PRKCA: variants seen among roughly 807,000 people sequenced by gnomAD.
PRKCA encodes protein kinase C alpha type.
PRKCA carries 27 observed loss-of-function variants against 87.0 expected under a neutral mutation model. That is an observed-to-expected ratio of 0.31 (90% CI 0.23 to 0.43). The LOEUF (loss-of-function observed/expected upper bound fraction) is 0.43. Among genes scored for constraint, PRKCA ranks in the 20% least tolerant of loss-of-function variants. PRKCA has a pLI of 1.00. For synonymous variants in PRKCA, 329 were observed against 311.1 expected, an observed-to-expected ratio of 1.06 and a Z score of -0.61; for missense variants, 518 against 852.3, an observed-to-expected ratio of 0.61 and a Z score of 4.88.
At chr17:66,714,372 G>T (rs985120010) in intron 8 of PRKCA, among the ~76,000 whole-genome samples, 1 of 152,114 alleles carries the variant, frequency 6.6e-6, no homozygotes, top group East Asian at 1.9e-4. Context: ...GTGCCCTCAG[G>T]CCTGTGCCCA....
At chr17:66,470,176 C>T (rs1414238526) in intron 2 of PRKCA, among the ~76,000 whole-genome samples, 1 of 145,852 alleles carries the variant, frequency 6.9e-6, no homozygotes, top group Non-Finnish European at 1.5e-5. Flanking sequence ...GCTTAATGGA[C>T]CTGAACCAGT....
chr17:66,302,938 G>A lies in PRKCA; in HGVS notation c.87G>A (p.Lys29=). 6.2e-7 allele frequency: 1 copy of A among 1,612,702 alleles called. No individual in the cohort carries two copies. Among genetic ancestry groups the A allele is most frequent in the Non-Finnish European group, 8.5e-7 (1 of 1,179,338 alleles). The change falls in exon 1 of 17, where the codon AAG becomes AAA. Residue 29 remains lysine (K), a synonymous_variant. Transcript: ENST00000413366. ...RFARKGALRQ[K]NVHEVKDHKF... ...CCCGCAAAGGGGCGCTGAGGCAGAA[G>A]AACGTGCACGAGGTGAAGGACCACA...
At chr17:66,561,594 A>G (rs1385056323) in intron 3 of PRKCA, among the ~76,000 whole-genome samples, 1 of 152,192 alleles carries the variant, frequency 6.6e-6, no homozygotes, top group African/African-American at 2.4e-5. Context: ...TCGAAGAGAT[A>G]CTTGTATGCC....
chr17:66,311,608 G>T (rs1460173714), intron 2 of PRKCA, among the ~76,000 whole-genome samples: 5 of 152,058 alleles, frequency 3.3e-5, no homozygotes, highest in African/African-American at 4.8e-5. Context: ...CAGAGTGAGA[G>T]CCTGTCTCAA....
intron 2 of PRKCA, chr17:66,415,488 TG>T (rs1403611148): frequency 6.6e-6 from 1 of 152,186 alleles, no homozygotes; most frequent in Non-Finnish European, 1.5e-5. Context: ...AAGGTAGCCC[TG>T]GAAGTCCTGA....
intron 3 of PRKCA, among the ~76,000 whole-genome samples, chr17:66,572,236 G>T (rs1222054762): frequency 6.6e-6 from 1 of 152,234 alleles, no homozygotes; most frequent in Admixed American, 6.5e-5. Flanking sequence ...GGAGACAGAG[G>T]TGGGCGGATC....
rs140428235 is a variant in PRKCA at position 66,362,554 on chromosome 17, G to A, written c.205+56427G>A. Among the ~76,000 whole-genome samples the A allele has an allele frequency of 5.2e-3, 787 of 152,272 alleles. 9 individuals carry two copies. The highest frequency in any genetic ancestry group is 0.018 in the African/African-American group (759 of 41,550). ...CCTGAGCTCCTTAAGGTTGAGATAA[G>A]TCTCACTTTTGTGTCTCATGGGCCT... On this transcript the variant is annotated intron_variant, in intron 2 of 16. Coordinates refer to ENST00000413366, the MANE Select transcript of PRKCA (RefSeq NM_002737.3).
rs1294278616 is a variant in PRKCA, at chr17:66,807,654, G to T, written c.*3617G>T. The T allele has an allele frequency of 1.3e-5, 2 of 152,232 alleles. No homozygotes were observed. The highest frequency in any genetic ancestry group is 3.8e-4 in the East Asian group (2 of 5,200). 9.4% of individuals were successfully genotyped at this position (152,232 alleles called of 1,614,324 possible). A position where few individuals can be genotyped will look rare whatever the true frequency, so the allele number is the denominator to read the frequency against. On this transcript the variant is annotated 3_prime_UTR_variant, in exon 17 of 17. Coordinates refer to ENST00000413366, the MANE Select transcript of PRKCA (RefSeq NM_002737.3). This position sits in a 1 kb window ranked among gnomAD's most constrained non-coding sequence, Gnocchi z 4.3. ...ACTCAGAATTTTGATAGAAAACCAT[G>T]GGGCCAAGAGCTCTGGAAGCCTGGC...
intron 2 of PRKCA, among the ~76,000 whole-genome samples, chr17:66,429,707 C>T: frequency 6.6e-6 from 1 of 152,150 alleles, no homozygotes; most frequent in East Asian, 1.9e-4. Context: ...CTGCCCTATC[C>T]TCCCTGCCCC....
chr17:66,581,429 T>C (rs1296636314), intron 3 of PRKCA, among the ~76,000 whole-genome samples: 1 of 152,222 alleles, frequency 6.6e-6, no homozygotes, highest in Non-Finnish European at 1.5e-5. Flanking sequence ...TTTTTAAACT[T>C]GAACCATATT....
chr17:66,452,104 A>G (rs4082897), intron 2 of PRKCA, among the ~76,000 whole-genome samples: 21,963 of 152,150 alleles, frequency 0.14, 1,841 homozygotes, highest in East Asian at 0.26. Flanking sequence ...GGGTGCGTCC[A>G]AGCTGACCCA....
intron 2 of PRKCA, among the ~76,000 whole-genome samples, chr17:66,328,925 G>A (rs148807556): frequency 1.3e-3 from 200 of 152,326 alleles, no homozygotes; most frequent in Non-Finnish European, 2.1e-3. Flanking sequence ...CATTTAATCC[G>A]TGTTAAAAAT....
chr17:66,558,124 G>T (rs1445915100), intron 3 of PRKCA, among the ~76,000 whole-genome samples: 1 of 152,192 alleles, frequency 6.6e-6, no homozygotes, highest in Non-Finnish European at 1.5e-5. Flanking sequence ...AATGTGGCAG[G>T]GCCTTGCCCT....
intron 2 of PRKCA, among the ~76,000 whole-genome samples, chr17:66,385,161 C>A (rs1435878797): frequency 1.3e-5 from 2 of 152,188 alleles, no homozygotes; most frequent in Non-Finnish European, 2.9e-5. Context: ...CTGGCAGGCA[C>A]TGTGTGGGGC....
intron 5 of PRKCA, among the ~76,000 whole-genome samples, chr17:66,667,197 G>C (rs1731124431): frequency 1.3e-5 from 2 of 152,176 alleles, no homozygotes; most frequent in Admixed American, 1.3e-4. Context: ...TTGGAGGTTA[G>C]GGATCTAGGA....
At chr17:66,765,429 T>TATATATATATATATATATATATATCC (rs1974782732) in intron 13 of PRKCA, among the ~76,000 whole-genome samples, 1 of 128,378 alleles carries the variant, frequency 7.8e-6, no homozygotes, top group African/African-American at 3.1e-5. Context: ...TATATATATA[T>TATATATATATATATATATATATATCC]ATATATATAT....
intron 3 of PRKCA, among the ~76,000 whole-genome samples, chr17:66,634,612 T>C (rs910178020): frequency 1.3e-5 from 2 of 152,330 alleles, no homozygotes; most frequent in African/African-American, 4.8e-5. Flanking sequence ...AAAGTGTGCT[T>C]TGTTAAGGAT....
intron 2 of PRKCA, among the ~76,000 whole-genome samples, chr17:66,353,578 T>C (rs1029374514): frequency 3.9e-5 from 6 of 152,110 alleles, no homozygotes; most frequent in African/African-American, 1.2e-4. Flanking sequence ...TAGCCGGGTG[T>C]GGTGGCCTGC....
At chr17:66,495,331 G>C (rs1034750331) in intron 2 of PRKCA, among the ~76,000 whole-genome samples, 1 of 152,190 alleles carries the variant, frequency 6.6e-6, no homozygotes, top group South Asian at 2.1e-4. Flanking sequence ...CATTTCAAAG[G>C]TCTGTTTTCT....
Sources: allele counts gnomAD v4.1 joint callset (sites outside exome capture counted in the v4.1 genomes callset), GRCh38; gene constraint gnomAD v4.1.1; non-coding constraint Gnocchi (gnomAD v3.1); transcripts MANE v1.5; gene names NCBI Gene and HGNC (gene_info 2026-07-23, HGNC 2026-07-21).